Variants in ANK1 observed in about 807,000 individuals in gnomAD.
ANK1 encodes ankyrin-1.
In ANK1, 51 loss-of-function variants were observed where a neutral mutation model predicts 210.4. That is an observed-to-expected ratio of 0.24 (90% CI 0.19 to 0.31). ANK1 has a LOEUF of 0.31. ANK1 is among the 10% of genes least tolerant of loss of function. ANK1 has a pLI of 1.00. For synonymous variants in ANK1, 967 were observed against 1,025.9 expected, an observed-to-expected ratio of 0.94 and a Z score of 1.10; for missense variants, 2,051 against 2,504.4, an observed-to-expected ratio of 0.82 and a Z score of 3.86.
intron 1 of ANK1, among the ~76,000 whole-genome samples, chr8:41,818,573 G>GTCTTTCTTTCTT (rs143734244): frequency 5.0e-4 from 76 of 151,712 alleles, no homozygotes; most frequent in African/African-American, 1.1e-3. Context: ...AAACCAATAA[G>GTCTTTCTTTCTT]TCTTTCTTTC....
Position 41,718,153 on chromosome 8 carries a change from T to C in ANK1, c.1159A>G (p.Met387Val), listed in dbSNP as rs773497101. The stretch of plus-strand genomic sequence containing the variant: ...GCTCCCGTCTTCAGCAGCAGCTCCA[T>C]GACACGGACGTGGTTCTTTTTGCAG... ...IACKKNHVRV[M>V]ELLLKTGASI... Residue 387 changes from methionine to valine, a missense_variant, in exon 11 of 43, where the codon ATG becomes GTG. Physicochemically the swap from Met to Val is conservative, Grantham distance 21 (BLOSUM62 1). Transcript: ENST00000289734. 22 of 1,614,098 alleles carry C rather than the reference T, an allele frequency of 1.4e-5. No homozygotes were observed. The highest frequency in any genetic ancestry group is 1.8e-5 in the Non-Finnish European group (21 of 1,180,012).
chr8:41,779,253 A>G (rs1032866829), intron 1 of ANK1, among the ~76,000 whole-genome samples: 1 of 151,888 alleles, frequency 6.6e-6, no homozygotes, highest in Non-Finnish European at 1.5e-5. Flanking sequence ...TACAGATGCT[A>G]GACAACTTTT....
intron 2 of ANK1, among the ~76,000 whole-genome samples, chr8:41,735,204 C>T (rs1192412634): frequency 1.3e-5 from 2 of 152,220 alleles, no homozygotes; most frequent in African/African-American, 4.8e-5. Context: ...GGTCTTGAAA[C>T]TTTCCGGCAA....
intron 1 of ANK1, among the ~76,000 whole-genome samples, chr8:41,865,102 T>C (rs1483955385): frequency 6.6e-6 from 1 of 152,154 alleles, no homozygotes; most frequent in Non-Finnish European, 1.5e-5. Flanking sequence ...GCACACACCC[T>C]CTGAGCTGAG....
intron 1 of ANK1, among the ~76,000 whole-genome samples, chr8:41,770,002 G>A (rs1337413839): frequency 9.0e-6 from 1 of 111,182 alleles, no homozygotes. Flanking sequence ...TTTTTTTGAG[G>A]AAGAGTTTAG....
rs149868537 is a variant in ANK1 at position 41,708,524 on chromosome 8, G to A, written c.1998+254C>T. 3.0e-3 allele frequency among the ~76,000 whole-genome samples: 459 copies of A among 152,312 alleles called. 2 individuals carry two copies. Among genetic ancestry groups the A allele is most frequent in the African/African-American group, 0.01 (436 of 41,562 alleles). ...TATTGATCTTTCTGCAGATCCTTAG[G>A]TCAATCTGTTTAGAAAGATCGGCAA... On this transcript the variant is annotated intron_variant, in intron 17 of 42. Coordinates refer to ENST00000289734, the MANE Select transcript of ANK1 (RefSeq NM_000037.4).
At chr8:41,708,290 G>A (rs1338650420) in intron 17 of ANK1, among the ~76,000 whole-genome samples, 2 of 152,070 alleles carry the variant, frequency 1.3e-5, no homozygotes, top group South Asian at 2.1e-4. Context: ...CTGCTCACGC[G>A]CGCTTCCTCC....
intron 9 of ANK1, among the ~76,000 whole-genome samples, chr8:41,721,735 G>A (rs78519830): frequency 0.041 from 6,187 of 150,822 alleles, 167 homozygotes; most frequent in Non-Finnish European, 0.055. Context: ...TTCTGGAAGT[G>A]TGAGACAGTA....
chr8:41,700,136 G>C (rs1040432650), intron 22 of ANK1, among the ~76,000 whole-genome samples: 10 of 152,264 alleles, frequency 6.6e-5, no homozygotes, highest in Non-Finnish European at 1.2e-4. Flanking sequence ...CCACCCAGGA[G>C]TGAGCACCAT....
intron 2 of ANK1, among the ~76,000 whole-genome samples, chr8:41,748,897 T>C (rs1284055251): frequency 6.6e-6 from 1 of 152,022 alleles, no homozygotes; most frequent in Non-Finnish European, 1.5e-5. Flanking sequence ...TAGCCGGGCG[T>C]GGTGGCGGGC....
At chr8:41,656,128 C>T (rs759929717) in intron 42 of ANK1, among the ~76,000 whole-genome samples, 4 of 152,264 alleles carry the variant, frequency 2.6e-5, no homozygotes, top group Non-Finnish European at 4.4e-5. Context: ...CATCCCCCAG[C>T]AGATCCTTGT....
intron 18 of ANK1, 128 bp downstream of exon 18, chr8:41,706,015 C>T (rs1824470826): frequency 1.1e-6 from 1 of 923,614 alleles, no homozygotes; most frequent in Non-Finnish European, 1.8e-6. Context: ...ACTCCACTGC[C>T]AGCCCTAGGA....
intron 39 of ANK1, among the ~76,000 whole-genome samples, chr8:41,666,459 G>T (rs989108867): frequency 2.0e-5 from 3 of 152,242 alleles, no homozygotes; most frequent in Non-Finnish European, 4.4e-5. Flanking sequence ...ACGGGGAAAA[G>T]TATGTGCAAA....
rs113956919 is a variant in ANK1, at chr8:41,715,222, C to T, written c.1603-148G>A. On this transcript the variant is annotated intron_variant, in intron 14 of 42. Coordinates refer to ENST00000289734, the MANE Select transcript of ANK1 (RefSeq NM_000037.4). ...GCCATTTTTGAGCCCTCTGGGAGGC[C>T]GAAGACCTCAGGACTTGGCAGGCAT... 538 of 731,450 alleles carry T rather than the reference C, an allele frequency of 7.4e-4. 2 individuals carry two copies. Among genetic ancestry groups the T allele is most frequent in the African/African-American group, 6.2e-3 (351 of 56,984 alleles). The allele number at this position is 731,450 out of a possible 1,614,324, so 45.3% of individuals were successfully genotyped here.
intron 1 of ANK1, among the ~76,000 whole-genome samples, chr8:41,895,267 G>A (rs1820249128): frequency 6.6e-6 from 1 of 152,208 alleles, no homozygotes; most frequent in South Asian, 2.1e-4. Flanking sequence ...CTCCTTGCTG[G>A]GGAGCCGTGC....
intron 1 of ANK1, among the ~76,000 whole-genome samples, chr8:41,769,968 TTC>T (rs1339690989): frequency 4.7e-4 from 53 of 111,604 alleles, no homozygotes; most frequent in African/African-American, 1.2e-3. Context: ...TCTTTTTTTT[TTC>T]TTTTTTCTTT....
intron 1 of ANK1, among the ~76,000 whole-genome samples, chr8:41,887,872 G>C (rs1818730010): frequency 6.6e-6 from 1 of 152,206 alleles, no homozygotes; most frequent in East Asian, 1.9e-4. Context: ...ATGGGTGATG[G>C]CACCAAAGTC....
At chr8:41,789,049 T>C (rs1168438428) in intron 1 of ANK1, 1 of 152,234 alleles carries the variant, frequency 6.6e-6, no homozygotes, top group East Asian at 1.9e-4. Context: ...GTTCTCTTCC[T>C]CTGCAAAGCT....
intron 1 of ANK1, among the ~76,000 whole-genome samples, chr8:41,863,071 T>TGG (rs1214286013): frequency 6.2e-4 from 92 of 149,554 alleles, no homozygotes; most frequent in Non-Finnish European, 3.0e-5. Flanking sequence ...TTAAAAAGAG[T>TGG]ATTATAGCCG....
Sources: allele counts gnomAD v4.1 joint callset (sites outside exome capture counted in the v4.1 genomes callset), GRCh38; gene constraint gnomAD v4.1.1; transcripts MANE v1.5; gene names NCBI Gene and HGNC (gene_info 2026-07-23, HGNC 2026-07-21).